The following DNAJA3 variants were observed in gnomAD, a reference collection of about 807,000 sequenced individuals.
DNAJA3 encodes dnaJ homolog subfamily A member 3, mitochondrial.
DNAJA3 carries 29 observed loss-of-function variants against 54.9 expected under a neutral mutation model. The observed-to-expected ratio is 0.53, with a 90% CI of 0.39 to 0.72. DNAJA3 has a LOEUF of 0.72. Among genes scored for constraint, DNAJA3 ranks in the 30% least tolerant of loss-of-function variants. The probability of loss-of-function intolerance (pLI) is 0.00; values close to 1 mark genes in which losing one functional copy is unlikely to be tolerated. For synonymous variants in DNAJA3, 302 were observed against 251.4 expected, an observed-to-expected ratio of 1.20 and a Z score of -1.90; for missense variants, 708 against 639.4, an observed-to-expected ratio of 1.11 and a Z score of -1.16.
chr16:4,448,883 G>A, intron 9 of DNAJA3, 35 bp downstream of exon 9: 4 of 1,524,010 alleles, frequency 2.6e-6, no homozygotes, highest in Non-Finnish European at 3.6e-6. Context: ...AAGCCCGCCT[G>A]GTCCTGCGGT....
At chr16:4,429,582 C>T (rs920674701) in intron 1 of DNAJA3, among the ~76,000 whole-genome samples, 1 of 152,154 alleles carries the variant, frequency 6.6e-6, no homozygotes, top group Non-Finnish European at 1.5e-5. Context: ...CGCCTGTAAT[C>T]CCAGCACTTT....
At chr16:4,453,865 T>G (rs2057005297) in intron 10 of DNAJA3, among the ~76,000 whole-genome samples, 1 of 152,184 alleles carries the variant, frequency 6.6e-6, no homozygotes, top group African/African-American at 2.4e-5. Context: ...CCTTTACTCT[T>G]TTATGCACTG....
At chr16:4,428,100 C>T (rs1596357665) in intron 1 of DNAJA3, among the ~76,000 whole-genome samples, 1 of 25,872 alleles carries the variant, frequency 3.9e-5, no homozygotes, top group Admixed American at 3.7e-4. Flanking sequence ...TACAGGCGCC[C>T]GCCACCACGC....
intron 10 of DNAJA3, among the ~76,000 whole-genome samples, chr16:4,453,497 G>A (rs1359960301): frequency 6.6e-6 from 1 of 151,852 alleles, no homozygotes; most frequent in Non-Finnish European, 1.5e-5. Flanking sequence ...GAGTGCAGTG[G>A]CGTGATCTCG....
intron 9 of DNAJA3, among the ~76,000 whole-genome samples, chr16:4,449,281 C>T (rs567989260): frequency 7.9e-5 from 12 of 152,342 alleles, no homozygotes; most frequent in Admixed American, 6.5e-5. Context: ...CAGGCGTGAG[C>T]CACCATGCCC....
rs1161308953 is a variant in DNAJA3 at position 4,442,331 on chromosome 16, A to G, written c.694A>G (p.Ile232Val). 1.2e-6 allele frequency: 2 copies of G among 1,609,148 alleles called. No individual in the cohort carries two copies. The highest frequency in any genetic ancestry group is 1.7e-6 in the Non-Finnish European group (2 of 1,177,686). ...KGVNKEFTVN[I>V]MDTCERCNGK... ...GGTCAACAAGGAGTTCACCGTGAAC[A>G]TCATGGACACGTGTGAGCGCTGCAA... The change falls in exon 5 of 12, where the codon ATC becomes GTC. Residue 232 changes from isoleucine (I) to valine (V), a missense_variant. Ile to Val is a conservative substitution (Grantham distance 29). Coordinates refer to ENST00000262375, the MANE Select transcript of DNAJA3 (RefSeq NM_005147.6).
At position 4,456,589 on chromosome 16, in the gene DNAJA3, G is replaced by A. The variant is rs2057038740; in HGVS notation, c.*1057G>A. On this transcript the variant is annotated 3_prime_UTR_variant, in exon 12 of 12. Transcript: ENST00000262375. ...GCTGGTAGCATGTCGCAGTTTCCAT[G>A]TGTTTCAGGATCTTCGGGCTGTCGT... 6.6e-6 allele frequency: 1 copy of A among 152,658 alleles called. No homozygotes were observed. Among genetic ancestry groups the A allele is most frequent in the African/African-American group, 2.4e-5 (1 of 41,460 alleles). 9.5% of individuals were successfully genotyped at this position (152,658 alleles called of 1,614,324 possible). A position where few individuals can be genotyped will look rare whatever the true frequency, so the allele number is the denominator to read the frequency against.
At chr16:4,431,409 AAC>A (rs1436482292) in intron 1 of DNAJA3, among the ~76,000 whole-genome samples, 2 of 152,224 alleles carry the variant, frequency 1.3e-5, no homozygotes, top group African/African-American at 4.8e-5. Flanking sequence ...GGGTGTGCCA[AAC>A]ACACGGATTT....
At chr16:4,428,942 G>A (rs1386810877) in intron 1 of DNAJA3, among the ~76,000 whole-genome samples, 2 of 145,048 alleles carry the variant, frequency 1.4e-5, no homozygotes, top group Admixed American at 7.1e-5. Flanking sequence ...AGGCTGGAGT[G>A]CAGTGGCACG....
At position 4,437,506 on chromosome 16, in the gene DNAJA3, G is replaced by A. The variant is rs368031962; in HGVS notation, c.429+21G>A. The A allele has an allele frequency of 5.0e-6, 8 of 1,598,980 alleles. No homozygotes were observed. The African/African-American group carries it at 1.1e-4, about 21-fold the overall frequency. On this transcript the variant is annotated intron_variant, in intron 3 of 11. Transcript: ENST00000262375. ...ATGAGGTAATATGACTTCGGTGCAT[G>A]CGGTCACTGCTGTTCAGCTATGTGT...
intron 5 of DNAJA3, 112 bp downstream of exon 5, chr16:4,442,532 A>G: frequency 7.8e-7 from 1 of 1,283,648 alleles, no homozygotes; most frequent in East Asian, 2.8e-5. Context: ...GAGTTGGTGA[A>G]CTCAGCCTGG....
intron 1 of DNAJA3, 127 bp downstream of exon 1, chr16:4,426,219 C>CTGTCTGTGTCTCCGGCAATTGT: frequency 9.2e-7 from 1 of 1,081,236 alleles, no homozygotes; most frequent in Non-Finnish European, 1.2e-6. Context: ...GCACAATTGC[C>CTGTCTGTGTCTCCGGCAATTGT]GGAGACACAG....
In DNAJA3 at chr16:4,447,033, A is replaced by C. The variant is rs753484983; in HGVS notation, c.1125+19A>C. ...CGTGACGGTAAGAGGGTGTGAGAAC[A>C]CCTTTGTCACCCCTGTACTTTATTG... On this transcript the variant is annotated intron_variant, in intron 8 of 11. Transcript: ENST00000262375. The C allele has an allele frequency of 6.2e-7, 1 of 1,610,404 alleles. No homozygotes were observed. Among genetic ancestry groups the C allele is most frequent in the Non-Finnish European group, 8.5e-7 (1 of 1,178,596 alleles).
chr16:4,434,689 C>T (rs963833062), intron 2 of DNAJA3, among the ~76,000 whole-genome samples, 172 bp downstream of exon 2: 3 of 152,050 alleles, frequency 2.0e-5, no homozygotes, highest in Non-Finnish European at 2.9e-5. Flanking sequence ...ATGCACAATG[C>T]TGTAGAGGTT....
At chr16:4,452,018 C>G (rs1435277127) in intron 10 of DNAJA3, among the ~76,000 whole-genome samples, 2 of 151,826 alleles carry the variant, frequency 1.3e-5, no homozygotes, top group East Asian at 1.9e-4. Context: ...TGCAGTGAGC[C>G]AAGATTGCAC....
At chr16:4,442,527 G>T (rs2056849074) in intron 5 of DNAJA3, 107 bp downstream of exon 5, 1 of 1,303,806 alleles carries the variant, frequency 7.7e-7, no homozygotes, top group African/African-American at 1.5e-5. Context: ...TGGGGGAGTT[G>T]GTGAACTCAG....
chr16:4,435,690 CTG>C (rs1002504392), intron 2 of DNAJA3, among the ~76,000 whole-genome samples: 1 of 152,184 alleles, frequency 6.6e-6, no homozygotes, highest in Non-Finnish European at 1.5e-5. Context: ...GTCAAATAAT[CTG>C]TTGCATGGAT....
At chr16:4,448,437 G>A (rs1596369975) in intron 8 of DNAJA3, among the ~76,000 whole-genome samples, 1 of 151,802 alleles carries the variant, frequency 6.6e-6, no homozygotes, top group East Asian at 1.9e-4. Flanking sequence ...TCCGCCTCCC[G>A]GGTTCAAGCA....
intron 6 of DNAJA3, among the ~76,000 whole-genome samples, chr16:4,443,836 G>A (rs1303684551): frequency 2.6e-5 from 4 of 152,084 alleles, no homozygotes; most frequent in African/African-American, 7.2e-5. Flanking sequence ...ACAGGCACCT[G>A]CCACCACACC....
Sources: gnomAD v4.1 joint callset for allele counts (sites outside exome capture counted in the v4.1 genomes callset) on GRCh38, gnomAD v4.1.1 for gene constraint, MANE v1.5 for transcripts, NCBI Gene and HGNC (gene_info 2026-07-23, HGNC 2026-07-21) for gene names.